PARN: variants seen among roughly 807,000 people sequenced by gnomAD.
PARN encodes the protein poly(A)-specific ribonuclease PARN.
In PARN, 71 loss-of-function variants were observed where a neutral mutation model predicts 102.8. That is an observed-to-expected ratio of 0.69 (90% CI 0.57 to 0.84). The LOEUF (loss-of-function observed/expected upper bound fraction) is 0.84, where lower values mean the gene tolerates loss of function less well. Ranked by LOEUF, PARN falls within the 40% of genes least tolerant of loss-of-function variation. PARN has a pLI of 0.00. For missense variants in PARN, 782 were observed against 760.9 expected (o/e 1.03, Z -0.33); for synonymous variants, 261 against 252.9 (o/e 1.03, Z -0.30).
chr16:14,620,172 T>C (rs1056937169), intron 5 of PARN, among the ~76,000 whole-genome samples: 1 of 149,808 alleles, frequency 6.7e-6, no homozygotes, highest in African/African-American at 2.5e-5. Context: ...GGTCAGGAGA[T>C]CGAGACCACC....
At chr16:14,559,281 T>A (rs947800426) in intron 18 of PARN, among the ~76,000 whole-genome samples, 3 of 151,972 alleles carry the variant, frequency 2.0e-5, no homozygotes, top group Non-Finnish European at 4.4e-5. Flanking sequence ...TTTGAAAAAA[T>A]TTTTTTGAAA....
At position 14,462,830 on chromosome 16, in the gene PARN, C is replaced by A. The variant is rs527681083; in HGVS notation, c.1671-15749G>T. Among the ~76,000 whole-genome samples the A allele has an allele frequency of 2.0e-5, 3 of 152,278 alleles. No homozygotes were observed. In the South Asian group the frequency reaches 6.2e-4, roughly 32 times the overall value. On this transcript the variant is annotated intron_variant, in intron 22 of 23. Transcript: ENST00000437198. The stretch of plus-strand genomic sequence containing the variant: ...TGATTTACCTACCCAGCCAAAACAA[C>A]CAAAAGAATCAGACAAAATACATGA...
intron 22 of PARN, among the ~76,000 whole-genome samples, chr16:14,480,111 T>C (rs1963298940): frequency 6.6e-6 from 1 of 151,810 alleles, no homozygotes; most frequent in Non-Finnish European, 1.5e-5. Context: ...GGCTGCCGGA[T>C]CACTTGAGGC....
chr16:14,452,253 T>C, intron 22 of PARN, among the ~76,000 whole-genome samples: 1 of 152,238 alleles, frequency 6.6e-6, no homozygotes, highest in South Asian at 2.1e-4. Flanking sequence ...CTCCTCTCCA[T>C]AAACAACTGA....
intron 21 of PARN, among the ~76,000 whole-genome samples, chr16:14,490,476 G>A (rs1411523547): frequency 1.3e-5 from 2 of 152,200 alleles, no homozygotes; most frequent in Admixed American, 1.3e-4. Context: ...TTGTGCAAAC[G>A]CTGGAAGGAG....
At chr16:14,593,492 TAAAAAAA>T (rs35329440) in intron 12 of PARN, 114 bp from the exon 13 acceptor site, 104 of 31,804 alleles carry the variant, frequency 3.3e-3, no homozygotes, top group Non-Finnish European at 4.3e-3. Flanking sequence ...TTTCCAGACT[TAAAAAAA>T]AAAAAAAAAA....
chr16:14,538,421 T>C lies in PARN; in HGVS notation c.1480+13600A>G, dbSNP rs541602669. On this transcript the variant is annotated intron_variant, in intron 21 of 23. Transcript: ENST00000437198. Reference sequence around the variant, plus strand: ...TGTTAGTAGAGACAGGGTTTTGCCATGTTGACCAGGCTGGTCTCAAACTCC... The same window carrying C: ...TGTTAGTAGAGACAGGGTTTTGCCACGTTGACCAGGCTGGTCTCAAACTCC... Among the ~76,000 whole-genome samples, 21 of 152,126 alleles carry C rather than the reference T, an allele frequency of 1.4e-4. No homozygotes were observed. The South Asian group carries it at 3.9e-3, about 29-fold the overall frequency.
rs572565630 is a variant in PARN at position 14,486,395 on chromosome 16, A to C, written c.1481-3568T>G. On this transcript the variant is annotated intron_variant, in intron 21 of 23. Transcript: ENST00000437198. ...CGAAAAAAATCCTTCTCTCAAGTTT[A>C]ATTTGGATTACCAAGTAGGAGAGGA... is the stretch of plus-strand genomic sequence containing the variant. Among the ~76,000 whole-genome samples the C allele has an allele frequency of 4.6e-5, 7 of 152,264 alleles. No individual in the cohort carries two copies. In the East Asian group the frequency reaches 1.4e-3, roughly 29 times the overall value.
At chr16:14,466,623 C>T (rs1024592013) in intron 22 of PARN, among the ~76,000 whole-genome samples, 1 of 152,194 alleles carries the variant, frequency 6.6e-6, no homozygotes, top group Non-Finnish European at 1.5e-5. Flanking sequence ...TACCACCCAC[C>T]CATTCCTTAA....
chr16:14,520,561 C>G (rs1395409155), intron 21 of PARN, among the ~76,000 whole-genome samples: 1 of 151,952 alleles, frequency 6.6e-6, no homozygotes, highest in Non-Finnish European at 1.5e-5. Context: ...TAGCCAGGTA[C>G]AGGGACATGC....
intron 21 of PARN, among the ~76,000 whole-genome samples, chr16:14,494,330 C>T (rs920913869): frequency 2.6e-5 from 4 of 152,186 alleles, no homozygotes; most frequent in Admixed American, 2.0e-4. Context: ...GCCCAGTACT[C>T]AAGGAGAGAA....
chr16:14,459,239 T>C (rs1276110624), intron 22 of PARN, among the ~76,000 whole-genome samples: 1 of 152,244 alleles, frequency 6.6e-6, no homozygotes, highest in African/African-American at 2.4e-5. Flanking sequence ...CAAATGTCTT[T>C]ATTTGTAGAT....
At chr16:14,573,376 C>A (rs1968923970) in intron 18 of PARN, among the ~76,000 whole-genome samples, 1 of 152,186 alleles carries the variant, frequency 6.6e-6, no homozygotes, top group South Asian at 2.1e-4. Flanking sequence ...CTGTTAGTAA[C>A]TACAGTCACC....
At chr16:14,466,084 A>G (rs541454792) in intron 22 of PARN, among the ~76,000 whole-genome samples, 1 of 152,226 alleles carries the variant, frequency 6.6e-6, no homozygotes, top group African/African-American at 2.4e-5. Context: ...TCTGTACAAC[A>G]AACTTCTGTG....
At chr16:14,625,053 T>C (rs941661619) in intron 5 of PARN, among the ~76,000 whole-genome samples, 2 of 151,946 alleles carry the variant, frequency 1.3e-5, no homozygotes, top group African/African-American at 4.8e-5. Flanking sequence ...AGGTGTCTCA[T>C]TGCCACCCTC....
intron 21 of PARN, among the ~76,000 whole-genome samples, chr16:14,530,545 A>T (rs1347741118): frequency 1.4e-5 from 1 of 72,230 alleles, no homozygotes; most frequent in East Asian, 2.0e-4. Context: ...AGGTTACATT[A>T]AAAAAAAAAA....
intron 21 of PARN, among the ~76,000 whole-genome samples, chr16:14,496,026 T>G (rs1268509969): frequency 6.6e-6 from 1 of 152,200 alleles, no homozygotes; most frequent in Non-Finnish European, 1.5e-5. Context: ...GCCAGAGATG[T>G]GACCTTCCAA....
chr16:14,582,133 T>C, intron 17 of PARN, 48 bp downstream of exon 17: 2 of 1,153,342 alleles, frequency 1.7e-6, no homozygotes, highest in South Asian at 2.5e-5. Context: ...ACAGGTAAGA[T>C]CCACCCTAGA....
rs543658368 is a variant in PARN, at chr16:14,542,132, G to A, written c.1480+9889C>T. Among the ~76,000 whole-genome samples the A allele has an allele frequency of 9.2e-5, 14 of 151,834 alleles. No individual in the cohort carries two copies. The South Asian group carries it at 2.9e-3, about 32-fold the overall frequency. ...GGATCCTCTCACCTCAGCCTCCTAA[G>A]TAGCTGGGACTACAGGTACATGCCA... On this transcript the variant is annotated intron_variant, in intron 21 of 23. Coordinates refer to ENST00000437198, the MANE Select transcript of PARN (RefSeq NM_002582.4).
Sources: gnomAD v4.1 joint callset for allele counts (sites outside exome capture counted in the v4.1 genomes callset) on GRCh38, gnomAD v4.1.1 for gene constraint, MANE v1.5 for transcripts, NCBI Gene and HGNC (gene_info 2026-07-23, HGNC 2026-07-21) for gene names.